TAPBP: variants seen among roughly 807,000 people sequenced by gnomAD.
TAPBP encodes the protein tapasin.
A neutral mutation model predicts 45.7 loss-of-function variants in TAPBP; 38 were observed. The observed-to-expected ratio is 0.83, with a 90% CI of 0.64 to 1.09. The LOEUF (loss-of-function observed/expected upper bound fraction) is 1.09, where lower values mean the gene tolerates loss of function less well. Ranked by LOEUF, TAPBP falls within the 50% of genes least tolerant of loss-of-function variation. The pLI, the probability that TAPBP is intolerant of heterozygous loss-of-function variation, is 0.00. For missense variants in TAPBP, 513 were observed against 587.3 expected, an observed-to-expected ratio of 0.87 and a Z score of 1.31; for synonymous variants, 226 against 254.8, an observed-to-expected ratio of 0.89 and a Z score of 1.08.
Position 33,304,231 on chromosome 6 carries a change from G to T in TAPBP, c.1211-14C>A, listed in dbSNP as rs765512243. 1.2e-6 allele frequency: 2 copies of T among 1,612,282 alleles called. No individual in the cohort carries two copies. The highest frequency in any genetic ancestry group is 1.7e-6 in the Non-Finnish European group (2 of 1,179,074). On this transcript the variant is annotated splice_polypyrimidine_tract_variant and intron_variant, in intron 5 of 7. Coordinates refer to ENST00000434618, the MANE Select transcript of TAPBP (RefSeq NM_003190.5). ...GCCCTGAAAGACCTGGCAGGCAGAAGGGGTGAGAGTGAGCTCCTGTCTTCC... is the reference window on the plus strand; with the variant it reads ...GCCCTGAAAGACCTGGCAGGCAGAATGGGTGAGAGTGAGCTCCTGTCTTCC...
intron 3 of TAPBP, among the ~76,000 whole-genome samples, chr6:33,307,099 C>A (rs1769025533): frequency 6.6e-6 from 1 of 152,038 alleles, no homozygotes; most frequent in Non-Finnish European, 1.5e-5. Context: ...ACCAGCCTGG[C>A]CAACATGGCA....
At chr6:33,303,690 A>G in intron 7 of TAPBP, 1 of 1,491,166 alleles carries the variant, frequency 6.7e-7, no homozygotes, top group Non-Finnish European at 9.0e-7. Flanking sequence ...ATTTAAATTT[A>G]CATATGTGGC....
rs1396438370 is a variant in TAPBP at position 33,313,848 on chromosome 6, G to T, written c.54C>A (p.Val18=). The T allele has an allele frequency of 1.2e-6, 2 of 1,613,750 alleles. No homozygotes were observed. Among genetic ancestry groups the T allele is most frequent in the South Asian group, 2.2e-5 (2 of 91,074 alleles). ...LAVALGLATA[V]SAGPAVIECW... is the part of the protein sequence containing the mutation. The stretch of plus-strand genomic sequence containing the variant: ...ACTCGATCACCGCGGGTCCTGCTGA[G>T]ACGGCGGTCGCCAGGCCTGGCGTAT... The change falls in exon 2 of 8, where the codon GTC becomes GTA. Residue 18 remains valine (V), a synonymous_variant. Transcript: ENST00000434618. This position sits in a 1 kb window ranked among gnomAD's most constrained non-coding sequence, Gnocchi z 7.2.
At position 33,301,786 on chromosome 6, in the gene TAPBP, G is replaced by A. The variant is rs1768607981; in HGVS notation, c.1336-15C>T. ...CACTCTGCTTTCTGGAAGAGAGGAA[G>A]GTGGTGAGGAATTCAGGATATTAAA... On this transcript the variant is annotated splice_polypyrimidine_tract_variant and intron_variant, in intron 7 of 7. Coordinates refer to ENST00000434618, the MANE Select transcript of TAPBP (RefSeq NM_003190.5). 3 of 1,613,966 alleles carry A rather than the reference G, an allele frequency of 1.9e-6. No individual in the cohort carries two copies. The highest frequency in any genetic ancestry group is 1.7e-5 in the Admixed American group (1 of 59,988).
At position 33,310,662 on chromosome 6, in the gene TAPBP, T is replaced by C. The variant is rs769446829; in HGVS notation, c.469+2555A>G. ...CAAAAACCCATCTCCACAAAAAAAA[T>C]ACAAAAATTAGCTGGGCATGGTGGC... On this transcript the variant is annotated intron_variant, in intron 3 of 7. Coordinates refer to ENST00000434618, the MANE Select transcript of TAPBP (RefSeq NM_003190.5). Among the ~76,000 whole-genome samples, 24 of 150,530 alleles carry C rather than the reference T, an allele frequency of 1.6e-4. 1 individual carries two copies. The highest frequency in any genetic ancestry group is 4.6e-4 in the Admixed American group (7 of 15,108).
Position 33,309,691 on chromosome 6 carries a change from G to C in TAPBP, c.469+3526C>G, listed in dbSNP as rs377310508. ...CCAACACAGCCTCCCGAGTAGCTGG[G>C]ACCATAGGTACATGCCACGACACCC... On this transcript the variant is annotated intron_variant, in intron 3 of 7. Transcript: ENST00000434618. 5.8e-4 allele frequency among the ~76,000 whole-genome samples: 81 copies of C among 140,402 alleles called. 1 individual carries two copies. The South Asian group carries it at 0.017, about 30-fold the overall frequency. 92.1% of individuals were successfully genotyped at this position (140,402 alleles called of 152,430 possible). A position where few individuals can be genotyped will look rare whatever the true frequency, so the allele number is the denominator to read the frequency against.
chr6:33,305,208 G>C lies in TAPBP; in HGVS notation c.649C>G (p.Leu217Val), dbSNP rs754141123. 5.0e-6 allele frequency: 8 copies of C among 1,614,086 alleles called. No individual in the cohort carries two copies. In the East Asian group the frequency reaches 1.8e-4, roughly 36 times the overall value. ...RRQHLGKGHL[L>V]LAATPGLNGQ... ...TTCAGCCCAGGAGTTGCAGCCAGGA[G>C]CAGATGTCCCTTACCCAGGTGCTGG... The change falls in exon 4 of 8, where the codon CTC becomes GTC. Residue 217 changes from leucine to valine, a missense_variant. By Grantham distance (32) the Leu-to-Val change is conservative. Transcript: ENST00000434618. The surrounding 1 kb of genome is among the most constrained non-coding windows in gnomAD (Gnocchi z 4.4).
At position 33,305,294 on chromosome 6, in the gene TAPBP, G is replaced by A. The variant is rs142455342; in HGVS notation, c.563C>T (p.Thr188Ile). 2.5e-4 allele frequency: 401 copies of A among 1,579,442 alleles called. 1 individual carries two copies. Among genetic ancestry groups the A allele is most frequent in the Admixed American group, 7.7e-4 (43 of 56,180 alleles). The change falls in exon 4 of 8, where the codon ACC becomes ATC. Residue 188 changes from threonine to isoleucine, a missense_variant. By Grantham distance (89) the Thr-to-Ile change is moderately conservative. Transcript: ENST00000434618. The surrounding 1 kb of genome is among the most constrained non-coding windows in gnomAD (Gnocchi z 4.4). ...AGCCAGAGATGAGGCGGCCTCGGAG[G>A]TGGGGGGCATGTAGGCAAAGCTCAA... ...LDLSFAYMPP[T>I]SEAASSLAPG...
At chr6:33,303,897 A>T in intron 7 of TAPBP, 58 bp downstream of exon 7, 1 of 1,613,978 alleles carries the variant, frequency 6.2e-7, no homozygotes, top group Non-Finnish European at 8.5e-7. Context: ...ATGGGTTTTG[A>T]GATAGGATGA....
chr6:33,304,153 C>A lies in TAPBP; in HGVS notation c.1275G>T (p.Gly425=). Residue 425 remains glycine, a synonymous_variant, in exon 6 of 8, where the codon GGG becomes GGT. Transcript: ENST00000434618. ...CAGCCCAGCCCAGTGCCTTGAAGAG[C>A]CCAAGCAGAAGAAAGGCAGACAGGA... ...GLFLSAFLLL[G]LFKALGWAAV... 6.2e-7 allele frequency: 1 copy of A among 1,613,278 alleles called. No homozygotes were observed. Among genetic ancestry groups the A allele is most frequent in the South Asian group, 1.1e-5 (1 of 91,020 alleles).
In TAPBP at chr6:33,313,727, C is replaced by A. The variant is rs45583737; in HGVS notation, c.175G>T (p.Asp59Tyr). Residue 59 changes from aspartate to tyrosine, a missense_variant, in exon 2 of 8, where the codon GAC becomes TAC. Physicochemically the swap from Asp to Tyr is radical, Grantham distance 160 (BLOSUM62 -3). Transcript: ENST00000434618. This position sits in a 1 kb window ranked among gnomAD's most constrained non-coding sequence, Gnocchi z 7.2. ...CTGAGATAGAGCTCAGGGTCGAGGT[C>A]CGGCCGGGGCGGCGGTTCCCCCGGT... ...QGPGEPPPRP[D>Y]LDPELYLSVH... 9,555 of 1,613,382 alleles carry A rather than the reference C, an allele frequency of 5.9e-3. 33 individuals carry two copies. The highest frequency in any genetic ancestry group is 8.4e-3 in the Middle Eastern group (51 of 6,060).
rs573645233 is a variant in TAPBP at position 33,313,493 on chromosome 6, G to A, written c.209-16C>T. On this transcript the variant is annotated splice_polypyrimidine_tract_variant and intron_variant, in intron 2 of 7. Transcript: ENST00000434618. The surrounding 1 kb of genome is among the most constrained non-coding windows in gnomAD (Gnocchi z 7.2). Reference sequence around the variant, plus strand: ...CCCGCGGGGTCTGAGTGTAGAGAAGGAAGTTGCAGCTGTAGAGTCACCGCC... The same window carrying A: ...CCCGCGGGGTCTGAGTGTAGAGAAGAAAGTTGCAGCTGTAGAGTCACCGCC... The A allele has an allele frequency of 6.5e-6, 10 of 1,544,708 alleles. No homozygotes were observed. Among genetic ancestry groups the A allele is most frequent in the South Asian group, 4.8e-5 (4 of 83,294 alleles).
intron 6 of TAPBP, 57 bp downstream of exon 6, chr6:33,304,071 G>T: frequency 6.2e-7 from 1 of 1,610,908 alleles, no homozygotes; most frequent in Non-Finnish European, 8.5e-7. Flanking sequence ...GCTCTTGGGA[G>T]TAGGTGGGGA....
Position 33,313,463 on chromosome 6 carries a change from G to T in TAPBP, c.223C>A (p.Leu75Ile). 6.4e-7 allele frequency: 1 copy of T among 1,573,924 alleles called. No individual in the cohort carries two copies. Among genetic ancestry groups the T allele is most frequent in the Non-Finnish European group, 8.6e-7 (1 of 1,156,914 alleles). The stretch of plus-strand genomic sequence containing the variant: ...GGATACCGCCTGAAGGCAGCCTGGA[G>T]GGCGCCCGCGGGGTCTGAGTGTAGA... ...YLSVHDPAGA[L>I]QAAFRRYPRG... Residue 75 changes from leucine (L) to isoleucine (I), a missense_variant, in exon 3 of 8, where the codon CTC (leucine) becomes ATC (isoleucine). Physicochemically the swap from Leu to Ile is conservative, Grantham distance 5 (BLOSUM62 2). Transcript: ENST00000434618. This position sits in a 1 kb window ranked among gnomAD's most constrained non-coding sequence, Gnocchi z 7.2.
intron 3 of TAPBP, chr6:33,312,993 C>A (rs891684733): frequency 4.3e-6 from 2 of 463,512 alleles, no homozygotes; most frequent in Non-Finnish European, 7.3e-6. Context: ...CCCCCTACCC[C>A]CTGCCAAGCT....
chr6:33,312,796 C>G (rs1184866041), intron 3 of TAPBP, among the ~76,000 whole-genome samples: 1 of 152,240 alleles, frequency 6.6e-6, no homozygotes, highest in South Asian at 2.1e-4. Context: ...GAGTGACCCG[C>G]AAAGCTGAGG....
In TAPBP at chr6:33,301,662, G is replaced by A. The variant is rs1768598603; in HGVS notation, c.*98C>T. 3 of 1,078,998 alleles carry A rather than the reference G, an allele frequency of 2.8e-6. No homozygotes were observed. The highest frequency in any genetic ancestry group is 1.3e-5 in the South Asian group (1 of 76,964). 66.8% of individuals were successfully genotyped at this position (1,078,998 alleles called of 1,614,324 possible). A position where few individuals can be genotyped will look rare whatever the true frequency, so the allele number is the denominator to read the frequency against. ...AGCCACTCAGTGGAGAGAGATTGGA[G>A]GGATTAGGAGCAGATGATAGGGTAT... On this transcript the variant is annotated 3_prime_UTR_variant, in exon 8 of 8. Coordinates refer to ENST00000434618, the MANE Select transcript of TAPBP (RefSeq NM_003190.5).
At position 33,313,165 on chromosome 6, in the gene TAPBP, A is replaced by G; in HGVS notation, c.469+52T>C. On this transcript the variant is annotated intron_variant, in intron 3 of 7. Coordinates refer to ENST00000434618, the MANE Select transcript of TAPBP (RefSeq NM_003190.5). This position sits in a 1 kb window ranked among gnomAD's most constrained non-coding sequence, Gnocchi z 7.2. ...GTCCATAAAGCGAGACCACCGGCTG[A>G]TCTGGACCCTTAGAATCTACCCACC... 1 of 1,561,612 alleles carries G rather than the reference A, an allele frequency of 6.4e-7. No homozygotes were observed. The highest frequency in any genetic ancestry group is 8.7e-7 in the Non-Finnish European group (1 of 1,148,382).
At chr6:33,303,933 A>G in intron 7 of TAPBP, 22 bp downstream of exon 7, 1 of 1,614,094 alleles carries the variant, frequency 6.2e-7, no homozygotes, top group Non-Finnish European at 8.5e-7. Flanking sequence ...AGGGAAAGAT[A>G]CAGAGAGGTG....
Sources: gnomAD v4.1 joint callset for allele counts (sites outside exome capture counted in the v4.1 genomes callset) on GRCh38, gnomAD v4.1.1 for gene constraint, Gnocchi (gnomAD v3.1) non-coding constraint, MANE v1.5 for transcripts, NCBI Gene and HGNC (gene_info 2026-07-23, HGNC 2026-07-21) for gene names.